The following DDX6 variants were observed in gnomAD, a reference collection of about 807,000 sequenced individuals.
DDX6 encodes DEAD-box helicase 6.
Under a neutral mutation model 60.6 loss-of-function variants are expected in DDX6, and 7 were observed. The observed-to-expected ratio is 0.12, with a 90% CI of 0.07 to 0.22. The LOEUF is 0.22. DDX6 is among the 10% of genes least tolerant of loss of function. The pLI is 1.00. For missense variants in DDX6, 270 were observed against 589.9 expected (o/e 0.46, Z 5.62); for synonymous variants, 207 against 201.0 (o/e 1.03, Z -0.25).
rs374695292 is a variant in DDX6 at position 118,763,206 on chromosome 11, C to A, written c.741+6G>T. ...AACAGTATAATGCCAAATGAAGAGA[C>A]ATTACCTCATCCAATACTATCATCT... On this transcript the variant is annotated splice_donor_region_variant and intron_variant, in intron 7 of 13. Transcript: ENST00000534980. The A allele has an allele frequency of 6.3e-5, 99 of 1,583,922 alleles. No individual in the cohort carries two copies. The highest frequency in any genetic ancestry group is 8.1e-5 in the Non-Finnish European group (94 of 1,164,160).
Position 118,786,491 on chromosome 11 carries a change from A to G in DDX6, c.-240T>C, listed in dbSNP as rs1591928734. On this transcript the variant is annotated 5_prime_UTR_variant, in exon 2 of 14. Coordinates refer to ENST00000534980, the MANE Select transcript of DDX6 (RefSeq NM_004397.6). The stretch of plus-strand genomic sequence containing the variant: ...TTTAAAAAGCCCTCTAACAAGCTTG[A>G]GTTATATCTGAATTCACTCACGTCA... The G allele has an allele frequency of 3.0e-6, 1 of 336,988 alleles. No homozygotes were observed. Among genetic ancestry groups the G allele is most frequent in the East Asian group, 4.4e-5 (1 of 22,774 alleles). 20.9% of individuals were successfully genotyped at this position (336,988 alleles called of 1,614,324 possible).
rs150558598 is a variant in DDX6 at position 118,784,122 on chromosome 11, AAT to A, written c.200+1928_200+1929del. Among the ~76,000 whole-genome samples, 405 of 151,994 alleles carry A rather than the reference AAT, an allele frequency of 2.7e-3. 13 individuals carry two copies. In the East Asian group the frequency reaches 0.067, roughly 25 times the overall value. Reference sequence around the variant, plus strand: ...AAAAAAAGTTATAAAAAAAATTAAAAATAGTCTAAATTTTGCTAACCTACTTA... The same window carrying A: ...AAAAAAAGTTATAAAAAAAATTAAAAAGTCTAAATTTTGCTAACCTACTTA... On this transcript the variant is annotated intron_variant, in intron 2 of 13. Transcript: ENST00000534980.
intron 11 of DDX6, among the ~76,000 whole-genome samples, chr11:118,755,857 A>G (rs1860949078): frequency 2.0e-5 from 3 of 152,168 alleles, no homozygotes; most frequent in Admixed American, 6.5e-5. Context: ...TCTACCAAAA[A>G]TACAAAAATT....
At position 118,748,474 on chromosome 11, in the gene DDX6, C is replaced by T. The variant is rs1359842834; in HGVS notation, c.*3631G>A. The T allele has an allele frequency of 6.6e-6, 1 of 152,184 alleles. No homozygotes were observed. Among genetic ancestry groups the T allele is most frequent in the Non-Finnish European group, 1.5e-5 (1 of 68,044 alleles). 9.4% of individuals were successfully genotyped at this position (152,184 alleles called of 1,614,324 possible). On this transcript the variant is annotated 3_prime_UTR_variant, in exon 14 of 14. Coordinates refer to ENST00000534980, the MANE Select transcript of DDX6 (RefSeq NM_004397.6). Reference sequence around the variant, plus strand: ...CAAAAAGCTGACTTACTTCAGCTCTCATGAGGCCAATAATTTTGATAAAGG... The same window carrying T: ...CAAAAAGCTGACTTACTTCAGCTCTTATGAGGCCAATAATTTTGATAAAGG...
At chr11:118,780,485 T>G (rs1305557321) in intron 3 of DDX6, among the ~76,000 whole-genome samples, 15 of 152,112 alleles carry the variant, frequency 9.9e-5, no homozygotes, top group African/African-American at 3.4e-4. Flanking sequence ...CCCGACTAAT[T>G]TTTGTATTTT....
At chr11:118,764,819 T>TACACACACACACACAC (rs1236783513) in intron 6 of DDX6, among the ~76,000 whole-genome samples, 5 of 17,160 alleles carry the variant, frequency 2.9e-4, no homozygotes, top group African/African-American at 6.6e-4. Context: ...AAAAAAAAAA[T>TACACACACACACACAC]ATACACACAC....
At chr11:118,775,937 C>T (rs1213050621) in intron 4 of DDX6, among the ~76,000 whole-genome samples, 1 of 152,080 alleles carries the variant, frequency 6.6e-6, no homozygotes, top group African/African-American at 2.4e-5. Context: ...TCAAGACCAG[C>T]CTGGTCAACA....
intron 13 of DDX6, 100 bp downstream of exon 13, chr11:118,754,605 T>C (rs782475781): frequency 3.8e-5 from 40 of 1,043,912 alleles, no homozygotes; most frequent in African/African-American, 2.0e-4. Flanking sequence ...TTACCCTTTA[T>C]TGCTATTATA....
At position 118,748,384 on chromosome 11, in the gene DDX6, A is replaced by G. The variant is rs1240705972; in HGVS notation, c.*3721T>C. 2 of 152,176 alleles carry G rather than the reference A, an allele frequency of 1.3e-5. No homozygotes were observed. Among genetic ancestry groups the G allele is most frequent in the African/African-American group, 4.8e-5 (2 of 41,442 alleles). The allele number at this position is 152,176 out of a possible 1,614,324, so 9.4% of individuals were successfully genotyped here. On this transcript the variant is annotated 3_prime_UTR_variant, in exon 14 of 14. Transcript: ENST00000534980. ...CAGATTTTCTTTGGGAGTTTTAAAA[A>G]ACTATCTTTAGATTTAGAGATACAA...
intron 5 of DDX6, chr11:118,768,003 T>C: frequency 2.1e-6 from 1 of 465,204 alleles, no homozygotes; most frequent in Non-Finnish European, 3.8e-6. Context: ...CACAAGTGTG[T>C]ATCATATAAG....
At chr11:118,785,830 T>C (rs1048537523) in intron 2 of DDX6, 1 of 403,378 alleles carries the variant, frequency 2.5e-6, no homozygotes, top group Non-Finnish European at 4.4e-6. Flanking sequence ...TATACAAAAT[T>C]TGTGTGTATC....
At chr11:118,781,486 G>A (rs1302015344) in intron 2 of DDX6, among the ~76,000 whole-genome samples, 1 of 152,130 alleles carries the variant, frequency 6.6e-6, no homozygotes, top group Non-Finnish European at 1.5e-5. Flanking sequence ...TAATTTAAAT[G>A]AGTTTAAATT....
rs534430889 is a variant in DDX6 at position 118,762,104 on chromosome 11, G to A, written c.741+1108C>T. On this transcript the variant is annotated intron_variant, in intron 7 of 13. Transcript: ENST00000534980. ...AGCCTGGCCAACATTGCAAAACCGC[G>A]CCTCTACTAAAAATACAAGAATTAG... Among the ~76,000 whole-genome samples, 172 of 151,750 alleles carry A rather than the reference G, an allele frequency of 1.1e-3. 1 individual carries two copies. Among genetic ancestry groups the A allele is most frequent in the Non-Finnish European group, 8.7e-4 (59 of 67,906 alleles).
chr11:118,768,901 T>G (rs1186953803), intron 4 of DDX6, among the ~76,000 whole-genome samples: 3 of 138,376 alleles, frequency 2.2e-5, no homozygotes, highest in Non-Finnish European at 3.1e-5. Flanking sequence ...TCCATAAACC[T>G]TGAGAGGCTG....
intron 2 of DDX6, among the ~76,000 whole-genome samples, chr11:118,785,172 T>C (rs1317462946): frequency 6.6e-6 from 1 of 152,196 alleles, no homozygotes; most frequent in Non-Finnish European, 1.5e-5. Context: ...ACCATTCAAA[T>C]ATTGTAATTT....
At chr11:118,780,114 CAAAA>C (rs71044492) in intron 3 of DDX6, among the ~76,000 whole-genome samples, 903 of 40,182 alleles carry the variant, frequency 0.022, 3 homozygotes, top group African/African-American at 0.083. Flanking sequence ...GACTCTATCT[CAAAA>C]AAAAAAAAAA....
At chr11:118,766,087 A>G (rs1257230370) in intron 5 of DDX6, among the ~76,000 whole-genome samples, 1 of 152,056 alleles carries the variant, frequency 6.6e-6, no homozygotes, top group Admixed American at 6.6e-5. Flanking sequence ...AAAAAAAAGA[A>G]AAGAAACACT....
chr11:118,779,365 T>C (rs1223798741), intron 4 of DDX6, among the ~76,000 whole-genome samples: 1 of 152,130 alleles, frequency 6.6e-6, no homozygotes, highest in Non-Finnish European at 1.5e-5. Context: ...ATAATTAGAA[T>C]GACAGATGAG....
At chr11:118,786,639 A>C (rs1301909467) in intron 1 of DDX6, 121 bp from the exon 2 acceptor site, 1 of 180,152 alleles carries the variant, frequency 5.6e-6, no homozygotes, top group Non-Finnish European at 1.2e-5. Flanking sequence ...ATACAGCTAC[A>C]CTTAGACCAA....
Sources: gnomAD v4.1 joint callset for allele counts (sites outside exome capture counted in the v4.1 genomes callset) on GRCh38, gnomAD v4.1.1 for gene constraint, MANE v1.5 for transcripts, NCBI Gene and HGNC (gene_info 2026-07-23, HGNC 2026-07-21) for gene names.